NAV3: variants seen among roughly 807,000 people sequenced by gnomAD.
The protein encoded by NAV3 is neuron navigator 3.
A neutral mutation model predicts 244.7 loss-of-function variants in NAV3; 87 were observed. The ratio of observed to expected loss-of-function variants is 0.36; its 90% CI spans 0.30 to 0.42. NAV3 has a LOEUF of 0.42. NAV3 is among the 20% of genes least tolerant of loss of function. NAV3 has a pLI of 1.00. For missense variants in NAV3, 2,663 were observed against 2,893.3 expected (o/e 0.92, Z 1.83); for synonymous variants, 1,126 against 1,042.2 (o/e 1.08, Z -1.55).
chr12:77,645,982 A>G (rs935897941), intron 2 of NAV3, among the ~76,000 whole-genome samples: 1 of 152,138 alleles, frequency 6.6e-6, no homozygotes, highest in African/African-American at 2.4e-5. Flanking sequence ...TAGGATTACT[A>G]GATTTTATCA....
chr12:78,196,795 A>G (rs1959181371), intron 34 of NAV3, among the ~76,000 whole-genome samples: 1 of 152,080 alleles, frequency 6.6e-6, no homozygotes, highest in African/African-American at 2.4e-5. Context: ...ATATTAGTGG[A>G]ACCTGAGAAA....
At chr12:77,994,097 G>A (rs1871909411) in intron 5 of NAV3, among the ~76,000 whole-genome samples, 1 of 152,222 alleles carries the variant, frequency 6.6e-6, no homozygotes, top group Non-Finnish European at 1.5e-5. Context: ...TTTGAACAAA[G>A]ATTTTGATTT....
intron 1 of NAV3, among the ~76,000 whole-genome samples, chr12:77,854,732 G>T (rs763008990): frequency 6.6e-6 from 1 of 152,104 alleles, no homozygotes; most frequent in African/African-American, 2.4e-5. Flanking sequence ...TATCAATCAT[G>T]CCGCCTCTTT....
intron 2 of NAV3, among the ~76,000 whole-genome samples, chr12:77,804,627 T>C (rs532311207): frequency 6.6e-6 from 1 of 152,336 alleles, no homozygotes; most frequent in Non-Finnish European, 1.5e-5. Context: ...TTTGTTCTTT[T>C]TCCTTAGGAT....
At chr12:78,032,956 T>A (rs905177126) in intron 9 of NAV3, among the ~76,000 whole-genome samples, 1 of 152,172 alleles carries the variant, frequency 6.6e-6, no homozygotes, top group African/African-American at 2.4e-5. Context: ...AACACATTTG[T>A]TTAATTCACT....
chr12:77,635,700 C>A (rs1388704864), intron 2 of NAV3, among the ~76,000 whole-genome samples: 1 of 151,998 alleles, frequency 6.6e-6, no homozygotes, highest in Non-Finnish European at 1.5e-5. Context: ...ATAATAACAG[C>A]TAACATTTAT....
chr12:78,141,354 T>A (rs1956605485), intron 20 of NAV3, among the ~76,000 whole-genome samples: 1 of 152,138 alleles, frequency 6.6e-6, no homozygotes, highest in African/African-American at 2.4e-5. Context: ...TATGAGTGAG[T>A]CTTTTTAGAG....
chr12:77,594,371 A>G (rs1381568142), intron 2 of NAV3, among the ~76,000 whole-genome samples: 2 of 152,172 alleles, frequency 1.3e-5, no homozygotes, highest in African/African-American at 2.4e-5. Context: ...AATGTGCCCA[A>G]TTATTTCAAC....
intron 3 of NAV3, among the ~76,000 whole-genome samples, chr12:77,948,078 A>C (rs770112896): frequency 1.5e-4 from 23 of 152,102 alleles, no homozygotes; most frequent in Non-Finnish European, 2.1e-4. Context: ...TTGATTAAAA[A>C]AAATGCCAAA....
chr12:77,969,860 T>C (rs946372259), intron 5 of NAV3, among the ~76,000 whole-genome samples: 2 of 152,116 alleles, frequency 1.3e-5, no homozygotes, highest in Non-Finnish European at 2.9e-5. Flanking sequence ...AAAAGAACTT[T>C]CTTTCAACTA....
chr12:78,129,442 T>G (rs1956067213), intron 18 of NAV3, among the ~76,000 whole-genome samples: 1 of 152,176 alleles, frequency 6.6e-6, no homozygotes, highest in Admixed American at 6.5e-5. Flanking sequence ...GACAATACTC[T>G]GAACATTTTC....
chr12:78,059,228 T>G (rs1883953920), intron 12 of NAV3, 113 bp downstream of exon 12: 1 of 930,296 alleles, frequency 1.1e-6, no homozygotes, highest in Non-Finnish European at 1.5e-6. Flanking sequence ...TTTATTTTGA[T>G]AAATAATTAT....
intron 2 of NAV3, among the ~76,000 whole-genome samples, chr12:77,649,108 A>G (rs954195942): frequency 1.3e-5 from 2 of 152,144 alleles, no homozygotes; most frequent in Non-Finnish European, 2.9e-5. Flanking sequence ...GACTTTGTTT[A>G]AGCCAACAGC....
chr12:77,810,202 C>T (rs962748449), intron 2 of NAV3, among the ~76,000 whole-genome samples: 12 of 152,180 alleles, frequency 7.9e-5, no homozygotes, highest in African/African-American at 1.4e-4. Flanking sequence ...GACGGAGTCT[C>T]GCTCTGTCCC....
chr12:77,609,492 C>T (rs771004), intron 2 of NAV3, among the ~76,000 whole-genome samples: 13,917 of 152,056 alleles, frequency 0.092, 735 homozygotes, highest in Middle Eastern at 0.21. Context: ...TTGTATCTAC[C>T]TCAGTATGTC....
At chr12:77,996,302 C>A (rs561390491) in intron 6 of NAV3, among the ~76,000 whole-genome samples, 1 of 152,268 alleles carries the variant, frequency 6.6e-6, no homozygotes, top group East Asian at 1.9e-4. Context: ...AGAGTGCAAT[C>A]ACTGGTCCTG....
At chr12:77,830,655 T>C (rs952342826), upstream of NAV3, among the ~76,000 whole-genome samples, 2 of 152,240 alleles carry the variant, frequency 1.3e-5, no homozygotes, top group Non-Finnish European at 2.9e-5. Flanking sequence ...GTTGCACTAT[T>C]GCATGATTTT....
intron 2 of NAV3, among the ~76,000 whole-genome samples, chr12:77,799,450 T>C (rs1279342365): frequency 6.6e-6 from 1 of 152,200 alleles, no homozygotes; most frequent in Non-Finnish European, 1.5e-5. Context: ...TTTTAACTTT[T>C]ATGTCAGAAT....
At chr12:77,700,932 T>C (rs1481979046) in intron 2 of NAV3, among the ~76,000 whole-genome samples, 1 of 39,848 alleles carries the variant, frequency 2.5e-5, no homozygotes, top group East Asian at 0.062. Context: ...ATATTATATA[T>C]TATAAACTCT....
Sources: gnomAD v4.1 joint callset for allele counts (sites outside exome capture counted in the v4.1 genomes callset) on GRCh38, gnomAD v4.1.1 for gene constraint, MANE v1.5 for transcripts, NCBI Gene and HGNC (gene_info 2026-07-23, HGNC 2026-07-21) for gene names.